MSRA: variants seen among roughly 807,000 people sequenced by gnomAD.
The protein encoded by MSRA is mitochondrial peptide methionine sulfoxide reductase.
A neutral mutation model predicts 31.3 loss-of-function variants in MSRA; 54 were observed. That is an observed-to-expected ratio of 1.73 (90% CI 1.39 to 2.17). The LOEUF (loss-of-function observed/expected upper bound fraction) is 2.17. MSRA is among the 30% of genes most tolerant of loss of function. MSRA has a pLI of 0.00. For missense variants in MSRA, 507 were observed against 300.9 expected (o/e 1.69, Z -5.07); for synonymous variants, 169 against 116.5 (o/e 1.45, Z -2.90).
At chr8:10,309,101 C>T (rs1157436742) in intron 4 of MSRA, among the ~76,000 whole-genome samples, 1 of 152,212 alleles carries the variant, frequency 6.6e-6, no homozygotes, top group Non-Finnish European at 1.5e-5. Flanking sequence ...GCAGTCCCAG[C>T]CCTCACCCCC....
At chr8:10,318,067 C>T (rs1252950296) in intron 4 of MSRA, among the ~76,000 whole-genome samples, 1 of 152,202 alleles carries the variant, frequency 6.6e-6, no homozygotes, top group African/African-American at 2.4e-5. Flanking sequence ...GATGCCCCCT[C>T]CCCAGCAGGT....
At chr8:10,124,420 A>G (rs1458853854) in intron 1 of MSRA, among the ~76,000 whole-genome samples, 3 of 152,208 alleles carry the variant, frequency 2.0e-5, no homozygotes, top group Admixed American at 6.5e-5. Flanking sequence ...CTGTAAGCAC[A>G]AAATTTGTGC....
intron 1 of MSRA, chr8:10,095,460 A>G: frequency 1.0e-6 from 1 of 985,418 alleles, no homozygotes; most frequent in Non-Finnish European, 1.2e-6. Context: ...TGATCCGCAA[A>G]GGACATCTTT....
chr8:10,420,511 C>A (rs557522260), intron 5 of MSRA, among the ~76,000 whole-genome samples: 4 of 152,256 alleles, frequency 2.6e-5, no homozygotes, highest in African/African-American at 9.6e-5. Flanking sequence ...GAGAGCCCAT[C>A]TGAGGCTGAA....
chr8:10,125,975 C>G (rs1170782169), intron 1 of MSRA, among the ~76,000 whole-genome samples: 1 of 152,204 alleles, frequency 6.6e-6, no homozygotes, highest in Admixed American at 6.5e-5. Flanking sequence ...ATCAAAGGCA[C>G]CGAATGTCAG....
At chr8:10,424,580 C>A (rs1336730718) in intron 5 of MSRA, among the ~76,000 whole-genome samples, 1 of 148,532 alleles carries the variant, frequency 6.7e-6, no homozygotes, top group Non-Finnish European at 1.5e-5. Flanking sequence ...GGAGAAGGGC[C>A]TGGGGTGGAG....
chr8:10,061,597 A>T (rs984327152), intron 1 of MSRA, among the ~76,000 whole-genome samples: 1 of 152,022 alleles, frequency 6.6e-6, no homozygotes, highest in Admixed American at 6.5e-5. Context: ...CCCACCAAGA[A>T]CTCACAGCAC....
chr8:10,331,348 A>C (rs1373716860), intron 5 of MSRA, among the ~76,000 whole-genome samples: 1 of 152,140 alleles, frequency 6.6e-6, no homozygotes, highest in Non-Finnish European at 1.5e-5. Flanking sequence ...GACCTTGGAG[A>C]GGTCTCTATG....
At position 10,218,541 on chromosome 8, in the gene MSRA, A is replaced by AT. The variant is rs550146553; in HGVS notation, c.211+10646dup. Among the ~76,000 whole-genome samples, 3 of 152,198 alleles carry AT rather than the reference A, an allele frequency of 2.0e-5. No individual in the cohort carries two copies. The South Asian group carries it at 6.2e-4, about 31-fold the overall frequency. The stretch of plus-strand genomic sequence containing the variant: ...AACTGCAAGATATTCTAATTCTAGC[A>AT]TTTTTTAAATTTGTGAGCTGAAATA... On this transcript the variant is annotated intron_variant, in intron 2 of 5. Coordinates refer to ENST00000317173, the MANE Select transcript of MSRA (RefSeq NM_012331.5).
chr8:10,350,386 G>A (rs538372356), intron 5 of MSRA, among the ~76,000 whole-genome samples: 7 of 152,328 alleles, frequency 4.6e-5, no homozygotes, highest in South Asian at 2.1e-4. Context: ...GGACAGCGCC[G>A]GCCGGATGCT....
intron 5 of MSRA, among the ~76,000 whole-genome samples, chr8:10,413,741 GAAGA>G (rs1278813814): frequency 6.6e-6 from 1 of 151,972 alleles, no homozygotes; most frequent in Admixed American, 6.6e-5. Context: ...TGAGTTGGCG[GAAGA>G]AAGAATGAAA....
intron 5 of MSRA, among the ~76,000 whole-genome samples, chr8:10,347,684 G>A (rs1027368735): frequency 6.6e-6 from 1 of 152,142 alleles, no homozygotes; most frequent in Admixed American, 6.5e-5. Flanking sequence ...AAACCCTTCT[G>A]TGGCCTCGCA....
intron 1 of MSRA, among the ~76,000 whole-genome samples, chr8:10,110,892 A>G (rs556663622): frequency 8.5e-5 from 13 of 152,200 alleles, no homozygotes; most frequent in Non-Finnish European, 1.5e-4. Context: ...CACCAATCAG[A>G]CAGGACATGG....
At chr8:10,256,015 G>A (rs979608889) in intron 3 of MSRA, among the ~76,000 whole-genome samples, 7 of 151,960 alleles carry the variant, frequency 4.6e-5, no homozygotes, top group Admixed American at 1.3e-4. Context: ...CATAGTTTGC[G>A]TTGAGTTCAC....
chr8:10,303,997 G>A (rs1045725460), intron 4 of MSRA, among the ~76,000 whole-genome samples: 5 of 152,120 alleles, frequency 3.3e-5, no homozygotes, highest in South Asian at 2.1e-4. Context: ...GTGCAGTGGC[G>A]TGATCGCGTC....
intron 1 of MSRA, among the ~76,000 whole-genome samples, chr8:10,199,530 G>A (rs1490995244): frequency 3.3e-5 from 5 of 152,020 alleles, no homozygotes; most frequent in Non-Finnish European, 7.4e-5. Context: ...ATGTTGGCCA[G>A]GATGGCGTCG....
rs1802178898 is a variant in MSRA, at chr8:10,054,554, T to G, written c.38T>G (p.Leu13Arg). 5 of 1,586,972 alleles carry G rather than the reference T, an allele frequency of 3.2e-6. No homozygotes were observed. Among genetic ancestry groups the G allele is most frequent in the Non-Finnish European group, 4.3e-6 (5 of 1,167,104 alleles). ...SATRRACQLL[L>R]LHSLFPVPRM... The stretch of plus-strand genomic sequence containing the variant: ...ACCCGGAGGGCTTGCCAGCTCCTCC[T>G]CCTCCACAGCCTCTTTCCCGTCCCG... The change falls in exon 1 of 6, where the codon CTC (leucine) becomes CGC (arginine). Residue 13 changes from leucine to arginine, a missense_variant. Transcript: ENST00000317173.
intron 1 of MSRA, among the ~76,000 whole-genome samples, chr8:10,147,187 G>C (rs1480554489): frequency 6.6e-6 from 1 of 152,176 alleles, no homozygotes; most frequent in East Asian, 1.9e-4. Flanking sequence ...CCTCAGGTTT[G>C]AGCCAGAGTA....
intron 1 of MSRA, among the ~76,000 whole-genome samples, chr8:10,070,348 A>G (rs1585083209): frequency 6.6e-6 from 1 of 152,266 alleles, no homozygotes; most frequent in Non-Finnish European, 1.5e-5. Context: ...ACAAAGTTTT[A>G]GCACCTTTCT....
Sources: gnomAD v4.1 joint callset for allele counts (sites outside exome capture counted in the v4.1 genomes callset) on GRCh38, gnomAD v4.1.1 for gene constraint, MANE v1.5 for transcripts, NCBI Gene and HGNC (gene_info 2026-07-23, HGNC 2026-07-21) for gene names.